The following PRSS16 variants were observed in gnomAD, a reference collection of about 807,000 sequenced individuals.
PRSS16 encodes thymus-specific serine protease.
PRSS16 carries 43 observed loss-of-function variants against 61.7 expected under a neutral mutation model. The observed-to-expected ratio is 0.70, with a 90% confidence interval of 0.55 to 0.90. The LOEUF is 0.90. PRSS16 is among the 40% of genes least tolerant of loss of function. The pLI, the probability that PRSS16 is intolerant of heterozygous loss-of-function variation, is 0.00. For missense variants in PRSS16, 591 were observed against 659.1 expected, an observed-to-expected ratio of 0.90 and a Z score of 1.13; for synonymous variants, 273 against 285.2, an observed-to-expected ratio of 0.96 and a Z score of 0.43.
intron 10 of PRSS16, 21 bp downstream of exon 10, chr6:27,254,893 T>C: frequency 6.2e-7 from 1 of 1,613,066 alleles, no homozygotes; most frequent in Non-Finnish European, 8.5e-7. Flanking sequence ...TATCAAAACC[T>C]GGCTGCTAAG....
In PRSS16 at chr6:27,255,129, C is replaced by T. The variant is rs778751783; in HGVS notation, c.1474C>T (p.Gln492Ter). 36 of 1,613,768 alleles carry T rather than the reference C, an allele frequency of 2.2e-5. No individual in the cohort carries two copies. The highest frequency in any genetic ancestry group is 3.1e-5 in the Non-Finnish European group (36 of 1,179,960). ...SDSPSLRLGR[Q>*]NIFQQLQTWL... ...CTCCCCCAGCCTCCGCCTAGGGCGC[C>T]AGGTAAGAGAAAAAAGGCTCTGAAT... Residue 492 changes from glutamine to a stop codon, truncating the protein, a stop_gained and splice_region_variant, in exon 11 of 12, where the codon CAG becomes TAG. Transcript: ENST00000230582. LOFTEE classifies it low-confidence loss of function (END_TRUNC). The surrounding 1 kb of genome is among the most constrained non-coding windows in gnomAD (Gnocchi z 4.4).
rs1409501462 is a variant in PRSS16 at position 27,251,543 on chromosome 6, C to T, written c.718-207C>T. 8 of 723,400 alleles carry T rather than the reference C, an allele frequency of 1.1e-5. No homozygotes were observed. Among genetic ancestry groups the T allele is most frequent in the African/African-American group, 1.9e-5 (1 of 52,488 alleles). 44.8% of individuals were successfully genotyped at this position (723,400 alleles called of 1,614,324 possible). A position where few individuals can be genotyped will look rare whatever the true frequency, so the allele number is the denominator to read the frequency against. ...GGCGGGGCCACAATGGAGGACGGGG[C>T]CTGCAGGGAAGACCCGAGAAGGAGG... On this transcript the variant is annotated intron_variant, in intron 7 of 11. Coordinates refer to ENST00000230582, the MANE Select transcript of PRSS16 (RefSeq NM_005865.4). This position sits in a 1 kb window ranked among gnomAD's most constrained non-coding sequence, Gnocchi z 5.6.
Position 27,252,738 on chromosome 6 carries a change from G to A in PRSS16, c.1009-70G>A. On this transcript the variant is annotated intron_variant, in intron 8 of 11. Coordinates refer to ENST00000230582, the MANE Select transcript of PRSS16 (RefSeq NM_005865.4). The surrounding 1 kb of genome is among the most constrained non-coding windows in gnomAD (Gnocchi z 4.2). ...CTGACTTTTGACCTCTGGGGACATA[G>A]GCCTCTGCACCCTGGCTTGCTGGGA... 1 of 1,576,156 alleles carries A rather than the reference G, an allele frequency of 6.3e-7. No homozygotes were observed. Among genetic ancestry groups the A allele is most frequent in the East Asian group, 2.2e-5 (1 of 44,532 alleles).
Position 27,251,555 on chromosome 6 carries a change from A to C in PRSS16, c.718-195A>C, listed in dbSNP as rs1359041783. The C allele has an allele frequency of 5.3e-6, 3 of 563,596 alleles. No individual in the cohort carries two copies. Among genetic ancestry groups the C allele is most frequent in the Non-Finnish European group, 7.9e-6 (3 of 380,674 alleles). The allele number at this position is 563,596 out of a possible 1,614,324, so 34.9% of individuals were successfully genotyped here. A position where few individuals can be genotyped will look rare whatever the true frequency, so the allele number is the denominator to read the frequency against. On this transcript the variant is annotated intron_variant, in intron 7 of 11. Transcript: ENST00000230582. This position sits in a 1 kb window ranked among gnomAD's most constrained non-coding sequence, Gnocchi z 5.6. ...ATGGAGGACGGGGCCTGCAGGGAAGACCCGAGAAGGAGGGCTGCGAGGCAG... is the reference window on the plus strand; with the variant it reads ...ATGGAGGACGGGGCCTGCAGGGAAGCCCCGAGAAGGAGGGCTGCGAGGCAG...
In PRSS16 at chr6:27,251,611, G is replaced by GCCTGGGGGCGGGGA; in HGVS notation, c.718-133_718-132insGGCGGGGACCTGGG. On this transcript the variant is annotated intron_variant, in intron 7 of 11. Coordinates refer to ENST00000230582, the MANE Select transcript of PRSS16 (RefSeq NM_005865.4). The surrounding 1 kb of genome is among the most constrained non-coding windows in gnomAD (Gnocchi z 5.6). ...TGGGGGCGGGGGCCTGGGGGCGGGG[G>GCCTGGGGGCGGGGA]CCTGGGCCAAGAGCTAGGTCTGCAC... is the stretch of plus-strand genomic sequence containing the variant. 1 of 836,164 alleles carries GCCTGGGGGCGGGGA rather than the reference G, an allele frequency of 1.2e-6. No homozygotes were observed. The highest frequency in any genetic ancestry group is 1.6e-6 in the Non-Finnish European group (1 of 614,270). The allele number at this position is 836,164 out of a possible 1,614,324, so 51.8% of individuals were successfully genotyped here.
chr6:27,252,762 G>A lies in PRSS16; in HGVS notation c.1009-46G>A. On this transcript the variant is annotated intron_variant, in intron 8 of 11. Coordinates refer to ENST00000230582, the MANE Select transcript of PRSS16 (RefSeq NM_005865.4). This position sits in a 1 kb window ranked among gnomAD's most constrained non-coding sequence, Gnocchi z 4.2. ...AGGCCTCTGCACCCTGGCTTGCTGG[G>A]AAGAGAGGAGGAATTTATGTCTTAT... 6.2e-7 allele frequency: 1 copy of A among 1,610,832 alleles called. No individual in the cohort carries two copies. Among genetic ancestry groups the A allele is most frequent in the Non-Finnish European group, 8.5e-7 (1 of 1,178,262 alleles).
chr6:27,248,564 T>C (rs1186986854), intron 2 of PRSS16, among the ~76,000 whole-genome samples: 1 of 152,142 alleles, frequency 6.6e-6, no homozygotes, highest in Non-Finnish European at 1.5e-5. Context: ...TTTACAATTA[T>C]TACTTCAAGA....
Position 27,256,573 on chromosome 6 carries a change from T to C in PRSS16, c.*1258T>C, listed in dbSNP as rs1203438972. The C allele has an allele frequency of 6.6e-6, 1 of 152,310 alleles. No homozygotes were observed. The highest frequency in any genetic ancestry group is 1.9e-4 in the East Asian group (1 of 5,204). 9.4% of individuals were successfully genotyped at this position (152,310 alleles called of 1,614,324 possible). ...ACCAAAGTCAATCTCCACTACACTT[T>C]AGTTCTGCCTGTTCTTGATCTTTAT... is the stretch of plus-strand genomic sequence containing the variant. On this transcript the variant is annotated 3_prime_UTR_variant, in exon 12 of 12. Transcript: ENST00000230582.
In PRSS16 at chr6:27,252,285, A is replaced by G. The variant is rs1176080653; in HGVS notation, c.1008+245A>G. On this transcript the variant is annotated intron_variant, in intron 8 of 11. Transcript: ENST00000230582. This position sits in a 1 kb window ranked among gnomAD's most constrained non-coding sequence, Gnocchi z 4.2. ...ACTGCGATTATTACCTATTTTGCCTATCCTGTCCTGTTCTCTTTTGGGGGG... is the reference window on the plus strand; with the variant it reads ...ACTGCGATTATTACCTATTTTGCCTGTCCTGTCCTGTTCTCTTTTGGGGGG... The G allele has an allele frequency of 5.6e-6, 3 of 534,546 alleles. No individual in the cohort carries two copies. The highest frequency in any genetic ancestry group is 6.4e-6 in the Non-Finnish European group (2 of 314,674). The allele number at this position is 534,546 out of a possible 1,614,324, so 33.1% of individuals were successfully genotyped here.
In PRSS16 at chr6:27,247,911, A is replaced by AT. The variant is rs1345637667; in HGVS notation, c.102dup (p.Gln35SerfsTer51). The AT allele has an allele frequency of 2.5e-6, 4 of 1,604,638 alleles. No individual in the cohort carries two copies. In the African/African-American group the frequency reaches 5.4e-5, roughly 22 times the overall value. Reference sequence around the variant, plus strand: ...CCTTCTTAGGCGCCTGGGTGAGCACATTCAGCAGTTTCAGGAGAGCTCTGC... The same window carrying AT: ...CCTTCTTAGGCGCCTGGGTGAGCACATTTCAGCAGTTTCAGGAGAGCTCTGC... On this transcript the variant is annotated frameshift_variant, in exon 2 of 12. Transcript: ENST00000230582. LOFTEE classifies it high-confidence loss of function.
intron 2 of PRSS16, 43 bp downstream of exon 2, chr6:27,248,091 T>C: frequency 6.3e-7 from 1 of 1,580,624 alleles, no homozygotes; most frequent in Non-Finnish European, 8.6e-7. Context: ...TCCTGCCCTC[T>C]CCTCAGTCTC....
Position 27,254,885 on chromosome 6 carries a change from T to C in PRSS16, c.1330+13T>C. The C allele has an allele frequency of 1.2e-6, 2 of 1,613,208 alleles. No homozygotes were observed. Among genetic ancestry groups the C allele is most frequent in the Non-Finnish European group, 1.7e-6 (2 of 1,179,324 alleles). ...CTGTTTGTTAATGGTGAGCATGCTATCAAAACCTGGCTGCTAAGCCTCCAC... is the reference window on the plus strand; with the variant it reads ...CTGTTTGTTAATGGTGAGCATGCTACCAAAACCTGGCTGCTAAGCCTCCAC... On this transcript the variant is annotated intron_variant, in intron 10 of 11. Coordinates refer to ENST00000230582, the MANE Select transcript of PRSS16 (RefSeq NM_005865.4).
chr6:27,252,810 T>G lies in PRSS16; in HGVS notation c.1011T>G (p.Ile337Met), dbSNP rs1759944248. 1 of 1,613,934 alleles carries G rather than the reference T, an allele frequency of 6.2e-7. No homozygotes were observed. The highest frequency in any genetic ancestry group is 1.3e-5 in the African/African-American group (1 of 74,896). The change falls in exon 9 of 12, where the codon ATT becomes ATG. Residue 337 changes from isoleucine to methionine, a missense_variant and splice_region_variant. Transcript: ENST00000230582. This position sits in a 1 kb window ranked among gnomAD's most constrained non-coding sequence, Gnocchi z 4.2. Reference protein sequence around the residue: ...PYCGLRRAVQIVLHSLGQKCL... With the variant: ...PYCGLRRAVQMVLHSLGQKCL... ...TATGTATGTACATTGTTCCCTAGATTGTCTTGCACAGCCTGGGCCAGAAGT... is the reference window on the plus strand; with the variant it reads ...TATGTATGTACATTGTTCCCTAGATGGTCTTGCACAGCCTGGGCCAGAAGT...
Position 27,248,444 on chromosome 6 carries a change from A to G in PRSS16, c.237+396A>G, listed in dbSNP as rs558913138. 2.0e-3 allele frequency among the ~76,000 whole-genome samples: 311 copies of G among 152,174 alleles called. 2 individuals are homozygous for G. Among genetic ancestry groups the G allele is most frequent in the African/African-American group, 6.8e-3 (284 of 41,518 alleles). On this transcript the variant is annotated intron_variant, in intron 2 of 11. Transcript: ENST00000230582. ...TCACAACAGGCACTCAAAGATATCTATCGAAAGAAGGAACAAATTCGCCAT... is the reference window on the plus strand; with the variant it reads ...TCACAACAGGCACTCAAAGATATCTGTCGAAAGAAGGAACAAATTCGCCAT...
At chr6:27,249,028 C>G in intron 3 of PRSS16, 72 bp from the exon 4 acceptor site, 1 of 1,512,184 alleles carries the variant, frequency 6.6e-7, no homozygotes, top group Non-Finnish European at 9.1e-7. Flanking sequence ...TGCTGTGAGA[C>G]CTGAGGAGTG....
chr6:27,248,142 A>G, intron 2 of PRSS16, 94 bp downstream of exon 2: 1 of 1,347,832 alleles, frequency 7.4e-7, no homozygotes, highest in Non-Finnish European at 1.0e-6. Context: ...CTCTCTCCAC[A>G]CCTCAGTTCT....
chr6:27,248,139 C>T, intron 2 of PRSS16, 91 bp downstream of exon 2: 1 of 1,386,142 alleles, frequency 7.2e-7, no homozygotes, highest in Non-Finnish European at 9.8e-7. Flanking sequence ...TTTCTCTCTC[C>T]ACACCTCAGT....
At position 27,251,581 on chromosome 6, in the gene PRSS16, G is replaced by A. The variant is rs1318794514; in HGVS notation, c.718-169G>A. ...CCCGAGAAGGAGGGCTGCGAGGCAG[G>A]GGATTGGGGGCGGGGGCCTGGGGGC... is the stretch of plus-strand genomic sequence containing the variant. On this transcript the variant is annotated intron_variant, in intron 7 of 11. Transcript: ENST00000230582. This position sits in a 1 kb window ranked among gnomAD's most constrained non-coding sequence, Gnocchi z 5.6. 6.7e-6 allele frequency: 6 copies of A among 900,370 alleles called. No individual in the cohort carries two copies. The African/African-American group carries it at 1.0e-4, about 15-fold the overall frequency. The allele number at this position is 900,370 out of a possible 1,614,324, so 55.8% of individuals were successfully genotyped here.
Position 27,248,465 on chromosome 6 carries a change from G to A in PRSS16, c.238-382G>A, listed in dbSNP as rs575790286. ...ATCTATCGAAAGAAGGAACAAATTC[G>A]CCATTTTTCAGTGCTTCCTCTGTAT... On this transcript the variant is annotated intron_variant, in intron 2 of 11. Coordinates refer to ENST00000230582, the MANE Select transcript of PRSS16 (RefSeq NM_005865.4). Among the ~76,000 whole-genome samples the A allele has an allele frequency of 6.8e-4, 103 of 152,004 alleles. No homozygotes were observed. In the South Asian group the frequency reaches 8.8e-3, roughly 13 times the overall value.
Sources: gnomAD v4.1 joint callset for allele counts (sites outside exome capture counted in the v4.1 genomes callset) on GRCh38, gnomAD v4.1.1 for gene constraint, Gnocchi (gnomAD v3.1) non-coding constraint, MANE v1.5 for transcripts, NCBI Gene and HGNC (gene_info 2026-07-23, HGNC 2026-07-21) for gene names.